L3HYPDH: variants seen among roughly 807,000 people sequenced by gnomAD.
The protein encoded by L3HYPDH is trans-L-3-hydroxyproline dehydratase, also known as trans-3-hydroxy-L-proline dehydratase.
A neutral mutation model predicts 26.5 loss-of-function variants in L3HYPDH; 32 were observed. That is an observed-to-expected ratio of 1.21 (90% CI 0.91 to 1.62). The LOEUF (loss-of-function observed/expected upper bound fraction) is 1.62, where lower values mean the gene tolerates loss of function less well. L3HYPDH is among the 40% of genes most tolerant of loss of function. L3HYPDH has a pLI of 0.00. For missense variants in L3HYPDH, 554 were observed against 476.4 expected (o/e 1.16, Z -1.52); for synonymous variants, 215 against 196.6 (o/e 1.09, Z -0.78).
chr14:59,465,572 G>A (rs1889142026), intron 1 of L3HYPDH, among the ~76,000 whole-genome samples: 2 of 152,224 alleles, frequency 1.3e-5, no homozygotes, highest in African/African-American at 4.8e-5. Flanking sequence ...ATAAAGTGCC[G>A]ACTGGCATGC....
upstream of L3HYPDH, chr14:59,487,743 T>C (rs757069004): frequency 1.9e-5 from 30 of 1,613,280 alleles, no homozygotes; most frequent in Non-Finnish European, 2.5e-6. Flanking sequence ...TCCTGAACTT[T>C]ATGATTGGCT....
chr14:59,494,274 G>C, the L3HYPDH span, among the ~76,000 whole-genome samples: 1 of 152,066 alleles, frequency 6.6e-6, no homozygotes, highest in Admixed American at 6.5e-5. Context: ...AGTGAAAATT[G>C]AGCCCACAAA....
At chr14:59,477,376 A>C (rs1262914883) in intron 2 of L3HYPDH, among the ~76,000 whole-genome samples, 1 of 152,374 alleles carries the variant, frequency 6.6e-6, no homozygotes, top group South Asian at 2.1e-4. Context: ...CTGCTTCAGC[A>C]GTGTGAATAG....
At chr14:59,501,020 C>T in the L3HYPDH span, 1 of 560,498 alleles carries the variant, frequency 1.8e-6, no homozygotes, top group Non-Finnish European at 3.1e-6. Flanking sequence ...ACTATCTTGC[C>T]CTTTCCAGAA....
chr14:59,469,365 C>T (rs1889258958), downstream of L3HYPDH, among the ~76,000 whole-genome samples: 1 of 151,806 alleles, frequency 6.6e-6, no homozygotes, highest in Non-Finnish European at 1.5e-5. Flanking sequence ...CCAGCCTGGC[C>T]AACAGGGTGA....
At chr14:59,479,392 A>T in intron 1 of L3HYPDH, 41 bp from the exon 2 acceptor site, 3 of 1,547,782 alleles carry the variant, frequency 1.9e-6, no homozygotes, top group Non-Finnish European at 2.7e-6. Flanking sequence ...GTGTTTGTTA[A>T]TAAGTATTTT....
chr14:59,469,234 C>G (rs1304463659), downstream of L3HYPDH, among the ~76,000 whole-genome samples: 1 of 151,964 alleles, frequency 6.6e-6, no homozygotes, highest in Non-Finnish European at 1.5e-5. Context: ...AGGTAGTTTC[C>G]CAAAGAAAAA....
chr14:59,499,013 T>A, the L3HYPDH span: 2 of 292,504 alleles, frequency 6.8e-6, no homozygotes, highest in African/African-American at 2.5e-5. Flanking sequence ...GTTTGTTTAA[T>A]CCTTTTTTTT....
downstream of L3HYPDH, among the ~76,000 whole-genome samples, chr14:59,469,541 G>C (rs1185156126): frequency 8.4e-6 from 1 of 118,406 alleles, no homozygotes; most frequent in Non-Finnish European, 1.6e-5. Context: ...TGGCGACAGA[G>C]TGAGACTCCA....
upstream of L3HYPDH, chr14:59,487,793 T>C (rs779949143): frequency 6.2e-7 from 1 of 1,613,660 alleles, no homozygotes; most frequent in South Asian, 1.1e-5. Context: ...TGGTTTTACA[T>C]TGGTTCTTCA....
the L3HYPDH span, among the ~76,000 whole-genome samples, chr14:59,496,214 C>T: frequency 6.6e-6 from 1 of 151,804 alleles, no homozygotes; most frequent in Non-Finnish European, 1.5e-5. Context: ...CCTCTCCCTG[C>T]CAGTTCTTAG....
chr14:59,504,048 C>G, the L3HYPDH span: 2 of 1,613,068 alleles, frequency 1.2e-6, no homozygotes, highest in South Asian at 1.1e-5. Flanking sequence ...CAAGGATACT[C>G]TCAGAAGGAG....
the L3HYPDH span, chr14:59,498,589 C>T: frequency 1.9e-6 from 1 of 529,516 alleles, no homozygotes; most frequent in Non-Finnish European, 3.2e-6. Context: ...GGCCAGCTTT[C>T]CACCAATCTG....
At chr14:59,472,017 T>C (rs1889325281), downstream of L3HYPDH, among the ~76,000 whole-genome samples, 1 of 152,238 alleles carries the variant, frequency 6.6e-6, no homozygotes, top group Non-Finnish European at 1.5e-5. Flanking sequence ...TGATAAAGCC[T>C]GTTAAATGAA....
the L3HYPDH span, among the ~76,000 whole-genome samples, chr14:59,495,774 T>C: frequency 0.011 from 1,606 of 152,298 alleles, 15 homozygotes; most frequent in Middle Eastern, 0.017. Context: ...CAGTACATAA[T>C]ATGCTCAGGG....
chr14:59,486,649 A>G (rs906718250), upstream of L3HYPDH: 19 of 1,115,586 alleles, frequency 1.7e-5, no homozygotes, highest in African/African-American at 2.4e-4. Context: ...TGCTTCAGCT[A>G]TTATTGCAAT....
At chr14:59,482,440 T>C (rs1200167291) in intron 1 of L3HYPDH, among the ~76,000 whole-genome samples, 1 of 151,930 alleles carries the variant, frequency 6.6e-6, no homozygotes, top group Admixed American at 6.6e-5. Flanking sequence ...GACCCAGAAA[T>C]GAGATGTAGT....
At chr14:59,473,340 C>T (rs998238895) in intron 4 of L3HYPDH, among the ~76,000 whole-genome samples, 3 of 152,226 alleles carry the variant, frequency 2.0e-5, no homozygotes, top group Non-Finnish European at 4.4e-5. Flanking sequence ...AACCTCAATT[C>T]ACTGAATGAT....
In L3HYPDH at chr14:59,479,364, T is replaced by C. The variant is rs1457044323; in HGVS notation, c.509-13A>G. ...TCCACCATGAGATCTAAAAAAAAGATGTGTTTGGAAAGAAGATGTGTTTGT... is the reference window on the plus strand; with the variant it reads ...TCCACCATGAGATCTAAAAAAAAGACGTGTTTGGAAAGAAGATGTGTTTGT... On this transcript the variant is annotated splice_polypyrimidine_tract_variant and intron_variant, in intron 1 of 4. Transcript: ENST00000247194. 1.2e-6 allele frequency: 2 copies of C among 1,606,556 alleles called. No individual in the cohort carries two copies. Among genetic ancestry groups the C allele is most frequent in the Non-Finnish European group, 1.7e-6 (2 of 1,177,638 alleles).
Sources: gnomAD v4.1 joint callset for allele counts (sites outside exome capture counted in the v4.1 genomes callset) on GRCh38, gnomAD v4.1.1 for gene constraint, MANE v1.5 for transcripts, NCBI Gene and HGNC (gene_info 2026-07-23, HGNC 2026-07-21) for gene names.